DNAJC5B: variants seen among roughly 807,000 people sequenced by gnomAD.
DNAJC5B encodes the protein DnaJ heat shock protein family (Hsp40) member C5 beta.
DNAJC5B carries 23 observed loss-of-function variants against 24.7 expected under a neutral mutation model. The ratio of observed to expected loss-of-function variants is 0.93; its 90% CI spans 0.67 to 1.32. DNAJC5B has a LOEUF of 1.32. DNAJC5B is among the 40% of genes most tolerant of loss of function. DNAJC5B has a pLI of 0.00. For synonymous variants in DNAJC5B, 101 were observed against 90.1 expected (o/e 1.12, Z -0.68); for missense variants, 238 against 240.8 (o/e 0.99, Z 0.08).
At chr8:66,097,175 C>T (rs1380871796) in intron 5 of DNAJC5B, among the ~76,000 whole-genome samples, 1 of 149,908 alleles carries the variant, frequency 6.7e-6, no homozygotes, top group East Asian at 1.9e-4. Context: ...ATATTTATCA[C>T]TTTAAGTTGA....
chr8:66,045,736 C>A (rs1013198400), intron 2 of DNAJC5B, among the ~76,000 whole-genome samples: 1 of 152,038 alleles, frequency 6.6e-6, no homozygotes, highest in African/African-American at 2.4e-5. Context: ...AAGGAGGGAG[C>A]CTTGGAGAAA....
At chr8:66,047,201 G>A (rs1359333048) in intron 2 of DNAJC5B, among the ~76,000 whole-genome samples, 1 of 152,192 alleles carries the variant, frequency 6.6e-6, no homozygotes, top group Non-Finnish European at 1.5e-5. Flanking sequence ...CAAAATTGCT[G>A]GATGGGCTTC....
At chr8:66,042,602 CT>C (rs1430097835) in intron 1 of DNAJC5B, among the ~76,000 whole-genome samples, 1 of 148,508 alleles carries the variant, frequency 6.7e-6, no homozygotes, top group Non-Finnish European at 1.5e-5. Flanking sequence ...TCTTCCTCTT[CT>C]TCTTCTTCTT....
At chr8:66,036,261 C>T in intron 1 of DNAJC5B, among the ~76,000 whole-genome samples, 1 of 152,064 alleles carries the variant, frequency 6.6e-6, no homozygotes, top group East Asian at 1.9e-4. Flanking sequence ...CTGGCTGGTT[C>T]CTGGGTTTTT....
chr8:66,060,925 G>A (rs1463985160), intron 3 of DNAJC5B, among the ~76,000 whole-genome samples: 5 of 152,176 alleles, frequency 3.3e-5, no homozygotes, highest in Admixed American at 6.5e-5. Context: ...GCCAGGGGAA[G>A]GGGGAGGCTT....
intron 3 of DNAJC5B, among the ~76,000 whole-genome samples, chr8:66,073,979 A>T (rs1807408207): frequency 6.6e-6 from 1 of 152,262 alleles, no homozygotes; most frequent in African/African-American, 2.4e-5. Context: ...AAGAGATACC[A>T]TAAAGTAAAA....
chr8:66,076,820 T>C lies in DNAJC5B; in HGVS notation c.280T>C (p.Phe94Leu). ...GCTGGGACTCTACGTGGCCGAGCAG[T>C]TTGGAGACGAAAACGTTAACACCTA... ...GSLGLYVAEQFGDENVNTYFM... is the reference protein window; with the variant it reads ...GSLGLYVAEQLGDENVNTYFM... Residue 94 changes from phenylalanine to leucine, a missense_variant, in exon 4 of 6, where the codon TTT (phenylalanine) becomes CTT (leucine). Phe to Leu is a conservative substitution (Grantham distance 22). Transcript: ENST00000276570. The C allele has an allele frequency of 6.2e-7, 1 of 1,614,112 alleles. No homozygotes were observed.
chr8:66,019,390 AAG>A (rs1325677244), upstream of DNAJC5B, among the ~76,000 whole-genome samples: 3 of 152,332 alleles, frequency 2.0e-5, no homozygotes, highest in East Asian at 3.9e-4. Context: ...GAGGTGAAAA[AAG>A]AGATTTTTTA....
intron 5 of DNAJC5B, among the ~76,000 whole-genome samples, chr8:66,084,754 CA>C (rs1807683743): frequency 6.6e-6 from 1 of 152,128 alleles, no homozygotes; most frequent in South Asian, 2.1e-4. Context: ...TTGTGTTTTA[CA>C]AAAATGTGGT....
intron 5 of DNAJC5B, 43 bp downstream of exon 5, chr8:66,080,591 G>A (rs866458732): frequency 6.6e-7 from 1 of 1,512,236 alleles, no homozygotes; most frequent in Non-Finnish European, 8.9e-7. Flanking sequence ...TCCATTCATA[G>A]GCCTGAGCAA....
At chr8:66,073,576 A>G (rs1807397329) in intron 3 of DNAJC5B, among the ~76,000 whole-genome samples, 1 of 152,054 alleles carries the variant, frequency 6.6e-6, no homozygotes, top group South Asian at 2.1e-4. Context: ...ACCCAGAATA[A>G]CCACAGAACT....
intron 4 of DNAJC5B, among the ~76,000 whole-genome samples, chr8:66,079,819 T>C (rs1424808195): frequency 6.6e-6 from 1 of 152,138 alleles, no homozygotes; most frequent in South Asian, 2.1e-4. Flanking sequence ...AGACTAGACA[T>C]AGTGAAGGTC....
chr8:66,019,059 A>G (rs1460292878), upstream of DNAJC5B, among the ~76,000 whole-genome samples: 1 of 152,204 alleles, frequency 6.6e-6, no homozygotes, highest in African/African-American at 2.4e-5. Flanking sequence ...CAACACAGGG[A>G]TGTATGCTCA....
chr8:66,023,434 C>A (rs1644964040), intron 1 of DNAJC5B, among the ~76,000 whole-genome samples: 1 of 152,086 alleles, frequency 6.6e-6, no homozygotes, highest in African/African-American at 2.4e-5. Context: ...ATTCAAAACA[C>A]TGAGATAACA....
At chr8:66,048,562 A>G (rs1019282684) in intron 2 of DNAJC5B, among the ~76,000 whole-genome samples, 1 of 152,146 alleles carries the variant, frequency 6.6e-6, no homozygotes. Flanking sequence ...AGTGGGCATC[A>G]TCTGGTCTAA....
At chr8:66,041,591 G>A (rs73691266) in intron 1 of DNAJC5B, among the ~76,000 whole-genome samples, 7,505 of 152,184 alleles carry the variant, frequency 0.049, 609 homozygotes, top group African/African-American at 0.17. Flanking sequence ...CTCAGAGACA[G>A]GACTTTTTGG....
chr8:66,022,498 G>A (rs1806156907), intron 1 of DNAJC5B, among the ~76,000 whole-genome samples: 1 of 152,116 alleles, frequency 6.6e-6, no homozygotes, highest in African/African-American at 2.4e-5. Context: ...TGCCTGCAAG[G>A]TCAGAGTTGA....
intron 3 of DNAJC5B, among the ~76,000 whole-genome samples, chr8:66,071,030 A>T (rs1269124407): frequency 2.0e-5 from 3 of 152,184 alleles, no homozygotes; most frequent in Non-Finnish European, 4.4e-5. Flanking sequence ...CCCCTTCCTT[A>T]CACCTTATAC....
intron 3 of DNAJC5B, among the ~76,000 whole-genome samples, chr8:66,070,216 C>T (rs184867739): frequency 2.6e-5 from 4 of 152,236 alleles, no homozygotes; most frequent in East Asian, 3.9e-4. Flanking sequence ...CCAGGGCAAT[C>T]AGGCAAGAGA....
Sources: allele counts gnomAD v4.1 joint callset (sites outside exome capture counted in the v4.1 genomes callset), GRCh38; gene constraint gnomAD v4.1.1; transcripts MANE v1.5; gene names NCBI Gene and HGNC (gene_info 2026-07-23, HGNC 2026-07-21).